The following TLE6 variants were observed in gnomAD, a reference collection of about 807,000 sequenced individuals.
TLE6 encodes TLE family member 6, subcortical maternal complex member, also known as transducin-like enhancer protein 6.
TLE6 carries 72 observed loss-of-function variants against 77.1 expected under a neutral mutation model. The observed-to-expected ratio is 0.93, with a 90% CI of 0.77 to 1.14. The LOEUF (loss-of-function observed/expected upper bound fraction) is 1.14. TLE6 is among the 50% of genes most tolerant of loss of function. The pLI is 0.00. For synonymous variants in TLE6, 366 were observed against 287.3 expected (o/e 1.27, Z -2.77); for missense variants, 843 against 747.6 (o/e 1.13, Z -1.49).
intron 5 of TLE6, among the ~76,000 whole-genome samples, chr19:2,985,868 G>A (rs370781913): frequency 9.9e-5 from 15 of 150,898 alleles, no homozygotes; most frequent in African/African-American, 3.6e-4. Context: ...CTTAGGTCAA[G>A]AGTTCAAGAC....
At chr19:2,981,690 G>T in intron 4 of TLE6, 107 bp downstream of exon 4, 1 of 1,210,746 alleles carries the variant, frequency 8.3e-7, no homozygotes, top group Non-Finnish European at 1.2e-6. Context: ...GTTCTTTTCC[G>T]CCAAGCACTG....
chr19:2,994,979 C>T lies in TLE6; in HGVS notation c.1694C>T (p.Ala565Val), dbSNP rs753162351. ...GTTGTCACAGGCTCCGGGGAGCACG[C>T]CTCCGTGTACCAGATCACCTACTGA... is the stretch of plus-strand genomic sequence containing the variant. ...RLVVTGSGEHASVYQITY is the reference protein window; with the variant it reads ...RLVVTGSGEHVSVYQITY Residue 565 changes from alanine to valine, a missense_variant, in exon 17 of 17, where the codon GCC becomes GTC. Ala to Val is a moderately conservative substitution (Grantham distance 64). Transcript: ENST00000246112. 3.7e-6 allele frequency: 6 copies of T among 1,608,128 alleles called. No individual in the cohort carries two copies. The South Asian group carries it at 4.4e-5, about 12-fold the overall frequency.
At chr19:2,989,508 A>G in intron 12 of TLE6, 27 bp from the exon 13 acceptor site, 1 of 1,597,916 alleles carries the variant, frequency 6.3e-7, no homozygotes, top group South Asian at 1.1e-5. Context: ...GGGGGGCGAC[A>G]GCTCACAGTG....
intron 16 of TLE6, among the ~76,000 whole-genome samples, chr19:2,994,633 CTTTTAAAA>C (rs1269676279): frequency 2.2e-4 from 33 of 151,534 alleles, no homozygotes; most frequent in African/African-American, 8.0e-4. Flanking sequence ...ATTAAAAACA[CTTTTAAAA>C]TTAAAAATAA....
intron 1 of TLE6, 32 bp from the exon 2 acceptor site, chr19:2,978,166 C>A: frequency 6.6e-7 from 1 of 1,505,222 alleles, no homozygotes; most frequent in South Asian, 1.2e-5. Context: ...ATTTTCTGTC[C>A]CTCAAGACCT....
At chr19:2,981,817 C>A (rs1441079835) in intron 4 of TLE6, among the ~76,000 whole-genome samples, 3 of 151,354 alleles carry the variant, frequency 2.0e-5, no homozygotes, top group African/African-American at 4.9e-5. Flanking sequence ...ACTAAAAATA[C>A]AAAAATTAGC....
upstream of TLE6, chr19:2,977,431 A>T (rs973619596): frequency 6.7e-6 from 1 of 149,590 alleles, no homozygotes. Context: ...ACCCACGTGC[A>T]GCTACTGCGC....
At chr19:2,984,048 T>A (rs994612890) in intron 5 of TLE6, 1 of 152,082 alleles carries the variant, frequency 6.6e-6, no homozygotes, top group African/African-American at 2.4e-5. Flanking sequence ...GCAGTCCGCT[T>A]CCCCCACCCG....
At position 2,987,234 on chromosome 19, in the gene TLE6, C is replaced by G. The variant is rs1169283400; in HGVS notation, c.537C>G (p.Asp179Glu). 1 of 1,614,158 alleles carries G rather than the reference C, an allele frequency of 6.2e-7. No individual in the cohort carries two copies. Among genetic ancestry groups the G allele is most frequent in the South Asian group, 1.1e-5 (1 of 91,084 alleles). ...ACGATGAGAAGGCAAAGCCCAGAGA[C>G]AGACGTGAGTGTCCCTGAGGGTGAG... Reference protein sequence around the residue: ...GVHDEKAKPRDRQQAPGLGQE... With the variant: ...GVHDEKAKPRERQQAPGLGQE... Residue 179 changes from aspartate to glutamate, a missense_variant, in exon 7 of 17, where the codon GAC (aspartate) becomes GAG (glutamate). Physicochemically the swap from Asp to Glu is conservative, Grantham distance 45. Coordinates refer to ENST00000246112, the MANE Select transcript of TLE6 (RefSeq NM_001143986.2).
At chr19:2,985,083 TCTA>T (rs1277369685) in intron 5 of TLE6, among the ~76,000 whole-genome samples, 2 of 151,812 alleles carry the variant, frequency 1.3e-5, no homozygotes, top group Non-Finnish European at 2.9e-5. Context: ...AAACCCCATT[TCTA>T]CTAAAAATAC....
At chr19:2,994,323 T>C (rs2089159201) in intron 16 of TLE6, among the ~76,000 whole-genome samples, 1 of 151,492 alleles carries the variant, frequency 6.6e-6, no homozygotes, top group Non-Finnish European at 1.5e-5. Context: ...AAAAAATAAT[T>C]AGCTGAGCCG....
rs375705892 is a variant in TLE6, at chr19:2,982,152, A to G, written c.185A>G (p.His62Arg). ...AELESIYYSL[H>R]KIQQDVAEHH... ...ATCTCTGTTTTCCCTTTGCAGCTGC[A>G]CAAGATCCAGCAGGATGTGGCAGAA... is the stretch of plus-strand genomic sequence containing the variant. The change falls in exon 5 of 17, where the codon CAC (histidine) becomes CGC (arginine). Residue 62 changes from histidine (H) to arginine (R), a missense_variant. By Grantham distance (29) the His-to-Arg change is conservative. Coordinates refer to ENST00000246112, the MANE Select transcript of TLE6 (RefSeq NM_001143986.2). 7.7e-5 allele frequency: 119 copies of G among 1,551,560 alleles called. No homozygotes were observed. The African/African-American group carries it at 1.6e-3, about 20-fold the overall frequency.
chr19:2,982,272 T>A (rs112298103), intron 5 of TLE6, 83 bp downstream of exon 5: 1 of 1,468,780 alleles, frequency 6.8e-7, no homozygotes. Flanking sequence ...GCACAGTGGC[T>A]CAAACCTGTA....
At chr19:2,993,935 A>G in intron 15 of TLE6, 84 bp from the exon 16 acceptor site, 1 of 927,782 alleles carries the variant, frequency 1.1e-6, no homozygotes, top group Non-Finnish European at 1.6e-6. Flanking sequence ...AAAAAAAAAA[A>G]AAAAAAAGGT....
intron 8 of TLE6, 100 bp from the exon 9 acceptor site, chr19:2,987,624 C>T (rs2088945630): frequency 1.4e-6 from 2 of 1,384,078 alleles, no homozygotes; most frequent in East Asian, 4.6e-5. Flanking sequence ...GACAGGACCC[C>T]AGGCAGCTGA....
At position 2,994,916 on chromosome 19, in the gene TLE6, C is replaced by T. The variant is rs762137613; in HGVS notation, c.1631C>T (p.Pro544Leu). 1.2e-6 allele frequency: 2 copies of T among 1,601,426 alleles called. No individual in the cohort carries two copies. The highest frequency in any genetic ancestry group is 3.3e-4 in the Middle Eastern group (2 of 5,984). The change falls in exon 17 of 17, where the codon CCA becomes CTA. Residue 544 changes from proline (P) to leucine (L), a missense_variant. By Grantham distance (98) the Pro-to-Leu change is moderately conservative. Coordinates refer to ENST00000246112, the MANE Select transcript of TLE6 (RefSeq NM_001143986.2). ...TKVFEVPEMS[P>L]VTCCDVSSNN... is the part of the protein sequence containing the mutation. Reference sequence around the variant, plus strand: ...CCCCTCCAGGTGCCTGAGATGTCTCCAGTCACGTGCTGTGACGTCTCTTCC... The same window carrying T: ...CCCCTCCAGGTGCCTGAGATGTCTCTAGTCACGTGCTGTGACGTCTCTTCC...
At position 2,986,822 on chromosome 19, in the gene TLE6, C is replaced by T; in HGVS notation, c.223-7C>T. 6.4e-7 allele frequency: 1 copy of T among 1,551,666 alleles called. No homozygotes were observed. Among genetic ancestry groups the T allele is most frequent in the Non-Finnish European group, 8.7e-7 (1 of 1,146,968 alleles). ...ATTTAACTGTTTTGCTGCCAACCTC[C>T]TTCTAGATAGGAAACGTCTTACAGA... is the stretch of plus-strand genomic sequence containing the variant. On this transcript the variant is annotated splice_region_variant and splice_polypyrimidine_tract_variant and intron_variant, in intron 5 of 16. Transcript: ENST00000246112.
chr19:2,986,920 G>A (rs902666077), intron 6 of TLE6, 29 bp downstream of exon 6: 1 of 1,552,804 alleles, frequency 6.4e-7, no homozygotes, highest in Non-Finnish European at 8.7e-7. Flanking sequence ...AAGGAGGGGA[G>A]GGGACAGGCT....
chr19:2,988,554 C>T lies in TLE6; in HGVS notation c.740+426C>T, dbSNP rs565602726. On this transcript the variant is annotated intron_variant, in intron 11 of 16. Coordinates refer to ENST00000246112, the MANE Select transcript of TLE6 (RefSeq NM_001143986.2). ...TGGAGGTTGCAGTGAGTTGAGATCGCGCCACTGCACTCCAGCCTGAGTGAC... is the reference window on the plus strand; with the variant it reads ...TGGAGGTTGCAGTGAGTTGAGATCGTGCCACTGCACTCCAGCCTGAGTGAC... Among the ~76,000 whole-genome samples, 5 of 152,006 alleles carry T rather than the reference C, an allele frequency of 3.3e-5. No individual in the cohort carries two copies. The South Asian group carries it at 6.2e-4, about 19-fold the overall frequency.
Sources: gnomAD v4.1 joint callset for allele counts (sites outside exome capture counted in the v4.1 genomes callset) on GRCh38, gnomAD v4.1.1 for gene constraint, MANE v1.5 for transcripts, NCBI Gene and HGNC (gene_info 2026-07-23, HGNC 2026-07-21) for gene names.